The following CCDC171 variants were observed in gnomAD, a reference collection of about 807,000 sequenced individuals.
CCDC171 encodes the protein coiled-coil domain containing 171, also known as coiled-coil domain-containing protein 171.
Under a neutral mutation model 168.2 loss-of-function variants are expected in CCDC171, and 177 were observed. That is an observed-to-expected ratio of 1.05 (90% confidence interval 0.93 to 1.19). The LOEUF is 1.19. Ranked by LOEUF, CCDC171 falls within the 50% of genes most tolerant of loss-of-function variation. The pLI is 0.00. For missense variants in CCDC171, 1,991 were observed against 1,539.0 expected, an observed-to-expected ratio of 1.29 and a Z score of -4.91; for synonymous variants, 687 against 540.8, an observed-to-expected ratio of 1.27 and a Z score of -3.75.
intron 21 of CCDC171, among the ~76,000 whole-genome samples, chr9:15,833,595 C>G (rs1191390630): frequency 1.3e-5 from 2 of 152,004 alleles, no homozygotes; most frequent in African/African-American, 4.8e-5. Context: ...TATCTTATGA[C>G]TTGTATTTGC....
At chr9:16,000,092 C>G (rs1832494709) in intron 3 of CCDC171, among the ~76,000 whole-genome samples, 1 of 152,182 alleles carries the variant, frequency 6.6e-6, no homozygotes, top group Non-Finnish European at 1.5e-5. Context: ...TAACTGGATG[C>G]TGTAGGCTTT....
At chr9:15,618,948 A>G (rs1281496675) in intron 6 of CCDC171, among the ~76,000 whole-genome samples, 1 of 151,824 alleles carries the variant, frequency 6.6e-6, no homozygotes, top group Admixed American at 6.6e-5. Flanking sequence ...CGCTGTTTCT[A>G]TTTGGCCATC....
At chr9:15,748,744 A>G (rs2134753796) in intron 18 of CCDC171, among the ~76,000 whole-genome samples, 1 of 152,318 alleles carries the variant, frequency 6.6e-6, no homozygotes, top group South Asian at 2.1e-4. Flanking sequence ...GTGAAGGAGA[A>G]ATAAAATCCT....
intron 3 of CCDC171, among the ~76,000 whole-genome samples, chr9:15,998,711 G>A (rs1303322315): frequency 1.3e-5 from 2 of 152,132 alleles, no homozygotes; most frequent in Non-Finnish European, 2.9e-5. Flanking sequence ...GTCCTTCCTG[G>A]AAGGTTTATT....
intron 7 of CCDC171, among the ~76,000 whole-genome samples, chr9:15,631,623 C>G (rs957308670): frequency 6.6e-6 from 1 of 152,224 alleles, no homozygotes; most frequent in Non-Finnish European, 1.5e-5. Context: ...CCTTCTGAAA[C>G]TATTCCAGTC....
intron 1 of CCDC171, among the ~76,000 whole-genome samples, chr9:15,558,783 T>A (rs1186221778): frequency 1.3e-5 from 2 of 152,154 alleles, no homozygotes; most frequent in African/African-American, 4.8e-5. Flanking sequence ...AGCTTTTGAA[T>A]GTGTTTGCTG....
In CCDC171 at chr9:15,578,835, G is replaced by A. The variant is rs1587103074; in HGVS notation, c.178-14G>A. 2 of 1,605,992 alleles carry A rather than the reference G, an allele frequency of 1.2e-6. No homozygotes were observed. The highest frequency in any genetic ancestry group is 3.3e-4 in the Middle Eastern group (2 of 6,008). ...ATCTTTGGACACATGTTGATATCAG[G>A]AATCTGTTTTTAGCTGGCAAGCTAT... On this transcript the variant is annotated splice_polypyrimidine_tract_variant and intron_variant, in intron 3 of 25. Coordinates refer to ENST00000380701, the MANE Select transcript of CCDC171 (RefSeq NM_173550.4).
chr9:15,623,494 C>CACACACAT, intron 7 of CCDC171, 81 bp downstream of exon 7: 1 of 663,486 alleles, frequency 1.5e-6, no homozygotes, highest in Non-Finnish European at 2.4e-6. Context: ...CACACACACA[C>CACACACAT]ACACACACAC....
chr9:15,837,578 C>T (rs1049433562), intron 21 of CCDC171, among the ~76,000 whole-genome samples: 1 of 152,190 alleles, frequency 6.6e-6, no homozygotes, highest in Non-Finnish European at 1.5e-5. Flanking sequence ...AAGCACAATT[C>T]CTCAAGAAAC....
intron 1 of CCDC171, among the ~76,000 whole-genome samples, chr9:16,058,077 G>C (rs1341032406): frequency 6.6e-6 from 1 of 151,644 alleles, no homozygotes; most frequent in African/African-American, 2.4e-5. Flanking sequence ...TAATAAATTG[G>C]TTCACCCGTC....
chr9:15,799,088 T>G (rs1341975216), intron 21 of CCDC171, among the ~76,000 whole-genome samples: 1 of 146,608 alleles, frequency 6.8e-6, no homozygotes, highest in Non-Finnish European at 1.5e-5. Flanking sequence ...AAAATTAGAT[T>G]TTAAAGAAAT....
chr9:15,774,224 T>G (rs1588421545), intron 18 of CCDC171, among the ~76,000 whole-genome samples: 1 of 116,886 alleles, frequency 8.6e-6, no homozygotes, highest in Non-Finnish European at 1.6e-5. Flanking sequence ...CCAGCCTGGG[T>G]GACAGAGCAA....
chr9:15,823,985 A>G (rs1336857598), intron 21 of CCDC171, among the ~76,000 whole-genome samples: 1 of 152,156 alleles, frequency 6.6e-6, no homozygotes, highest in Non-Finnish European at 1.5e-5. Flanking sequence ...ACTTGAAGAA[A>G]ACTTAATAGC....
intron 21 of CCDC171, among the ~76,000 whole-genome samples, chr9:15,830,929 T>G (rs2060202968): frequency 6.6e-6 from 1 of 151,972 alleles, no homozygotes; most frequent in Non-Finnish European, 1.5e-5. Context: ...GTTCAGCAAT[T>G]TTGGCTTTTT....
intron 11 of CCDC171, among the ~76,000 whole-genome samples, chr9:15,699,638 A>C (rs538364478): frequency 6.6e-6 from 1 of 152,174 alleles, no homozygotes; most frequent in Admixed American, 6.5e-5. Context: ...GCCCCACCAG[A>C]GTAGCTAGAT....
intron 10 of CCDC171, among the ~76,000 whole-genome samples, chr9:15,681,893 A>G (rs775848906): frequency 2.0e-5 from 3 of 152,090 alleles, no homozygotes; most frequent in Admixed American, 6.6e-5. Context: ...ATGACATGCC[A>G]TGATTTTACA....
chr9:15,623,475 G>GCGCGCGCGCGCGCGCGCCCA, intron 7 of CCDC171, 62 bp downstream of exon 7: 1 of 293,710 alleles, frequency 3.4e-6, no homozygotes, highest in East Asian at 8.9e-5. Context: ...GCGCGCGCGC[G>GCGCGCGCGCGCGCGCGCCCA]CACACACACA....
chr9:16,106,652 T>G, the CCDC171 span, among the ~76,000 whole-genome samples: 1 of 152,234 alleles, frequency 6.6e-6, no homozygotes, highest in East Asian at 1.9e-4. Flanking sequence ...AGTTGAGAAG[T>G]CAGATCTTCC....
intron 9 of CCDC171, among the ~76,000 whole-genome samples, chr9:15,677,904 A>G (rs1469038229): frequency 4.5e-5 from 1 of 22,264 alleles, no homozygotes; most frequent in Non-Finnish European, 7.4e-5. Flanking sequence ...ATATATATAT[A>G]TATATATATA....
Sources: gnomAD v4.1 joint callset for allele counts (sites outside exome capture counted in the v4.1 genomes callset) on GRCh38, gnomAD v4.1.1 for gene constraint, MANE v1.5 for transcripts, NCBI Gene and HGNC (gene_info 2026-07-23, HGNC 2026-07-21) for gene names.